The following R3HDM1 variants were observed in gnomAD, a reference collection of about 807,000 sequenced individuals.
R3HDM1 encodes the protein R3H domain-containing protein 1.
Under a neutral mutation model 141.1 loss-of-function variants are expected in R3HDM1, and 46 were observed. The observed-to-expected ratio is 0.33, with a 90% CI of 0.26 to 0.42. R3HDM1 has a LOEUF of 0.42. Among genes scored for constraint, R3HDM1 ranks in the 10% least tolerant of loss-of-function variants. The pLI is 1.00. For synonymous variants in R3HDM1, 435 were observed against 472.9 expected (o/e 0.92, Z 1.04); for missense variants, 1,184 against 1,368.3 (o/e 0.87, Z 2.12).
At chr2:135,710,317 G>A (rs530942370) in intron 23 of R3HDM1, 86 bp downstream of exon 23, 80 of 1,379,390 alleles carry the variant, frequency 5.8e-5, no homozygotes, top group Middle Eastern at 2.1e-4. Flanking sequence ...TTGAAATCCC[G>A]TCAGCCAGAT....
chr2:135,536,720 G>C (rs189809137), intron 1 of R3HDM1: 2 of 981,936 alleles, frequency 2.0e-6, no homozygotes, highest in Non-Finnish European at 2.4e-6. Context: ...AATTAACTTT[G>C]CTAACCTGTC....
At chr2:135,702,218 A>AAG (rs2074294480) in intron 21 of R3HDM1, among the ~76,000 whole-genome samples, 1 of 12,260 alleles carries the variant, frequency 8.2e-5, no homozygotes, top group African/African-American at 3.6e-4. Context: ...TCTCAGGGGG[A>AAG]AAAAAAAAAA....
intron 1 of R3HDM1, among the ~76,000 whole-genome samples, chr2:135,595,733 C>T (rs1257152551): frequency 6.6e-6 from 1 of 152,182 alleles, no homozygotes; most frequent in African/African-American, 2.4e-5. Context: ...TTGGTTCACT[C>T]ATGTATCCCT....
chr2:135,584,721 C>T (rs1243029217), intron 1 of R3HDM1, among the ~76,000 whole-genome samples: 1 of 152,100 alleles, frequency 6.6e-6, no homozygotes, highest in African/African-American at 2.4e-5. Context: ...TTCACAATTA[C>T]TTGAGTTTAT....
At chr2:135,665,663 T>C (rs1481687663) in intron 19 of R3HDM1, among the ~76,000 whole-genome samples, 2 of 152,238 alleles carry the variant, frequency 1.3e-5, no homozygotes, top group African/African-American at 4.8e-5. Context: ...TAAAAATTTG[T>C]GAAAGCTATT....
At position 135,675,348 on chromosome 2, in the gene R3HDM1, C is replaced by A. The variant is rs1010425490; in HGVS notation, c.2169C>A (p.Pro723=). 1 of 1,613,708 alleles carries A rather than the reference C, an allele frequency of 6.2e-7. No individual in the cohort carries two copies. Among genetic ancestry groups the A allele is most frequent in the Non-Finnish European group, 8.5e-7 (1 of 1,179,786 alleles). The change falls in exon 20 of 27, where the codon CCC becomes CCA. Residue 723 remains proline (P), a synonymous_variant. Coordinates refer to ENST00000683871, the MANE Select transcript of R3HDM1 (RefSeq NM_001378107.1). ...PAQQTGYQVI[P]NQQQNYQGIV... ...CCATTACAGGTTATCAAGTTATACC[C>A]AACCAGCAGCAAAACTACCAAGGAA...
chr2:135,558,519 C>T (rs1042798120), intron 1 of R3HDM1, among the ~76,000 whole-genome samples: 6 of 152,124 alleles, frequency 3.9e-5, no homozygotes, highest in African/African-American at 1.4e-4. Context: ...GATTAATTGA[C>T]TTAATCCATG....
At chr2:135,618,938 T>C (rs1187060002) in intron 5 of R3HDM1, among the ~76,000 whole-genome samples, 2 of 151,582 alleles carry the variant, frequency 1.3e-5, no homozygotes, top group Non-Finnish European at 2.9e-5. Flanking sequence ...GAGAATCGCT[T>C]GAACCCAGGA....
chr2:135,533,552 T>C (rs1328569166), intron 1 of R3HDM1, among the ~76,000 whole-genome samples: 1 of 152,220 alleles, frequency 6.6e-6, no homozygotes, highest in East Asian at 1.9e-4. Flanking sequence ...AGGATGATAA[T>C]GCTTAACTTA....
rs910185159 is a variant in R3HDM1, at chr2:135,651,567, AT to A, written c.1726-156del. 9.1e-5 allele frequency: 86 copies of A among 945,064 alleles called. No homozygotes were observed. The African/African-American group carries it at 1.5e-3, about 17-fold the overall frequency. The allele number at this position is 945,064 out of a possible 1,614,324, so 58.5% of individuals were successfully genotyped here. A position where few individuals can be genotyped will look rare whatever the true frequency, so the allele number is the denominator to read the frequency against. On this transcript the variant is annotated intron_variant, in intron 17 of 26. Coordinates refer to ENST00000683871, the MANE Select transcript of R3HDM1 (RefSeq NM_001378107.1). ...TATAATATTCAACAATAGAGTTGTCATTTTTTTGAAGCTTTACCCTATTACA... is the reference window on the plus strand; with the variant it reads ...TATAATATTCAACAATAGAGTTGTCATTTTTTGAAGCTTTACCCTATTACA...
At chr2:135,538,073 G>T (rs543790437) in intron 1 of R3HDM1, among the ~76,000 whole-genome samples, 2 of 152,244 alleles carry the variant, frequency 1.3e-5, no homozygotes, top group Non-Finnish European at 2.9e-5. Flanking sequence ...ACATCATGGA[G>T]TGTGCTTACA....
intron 1 of R3HDM1, chr2:135,543,124 T>C (rs1697978031): frequency 2.0e-6 from 2 of 979,644 alleles, no homozygotes; most frequent in Admixed American, 1.2e-4. Flanking sequence ...CTCTGTAATA[T>C]GTAAAATGGA....
rs2064971149 is a variant in R3HDM1 at position 135,649,962 on chromosome 2, T to TC, written c.1688dup (p.Phe564ValfsTer15). 2 of 1,294,826 alleles carry TC rather than the reference T, an allele frequency of 1.5e-6. No individual in the cohort carries two copies. The highest frequency in any genetic ancestry group is 4.3e-4 in the Middle Eastern group (2 of 4,664). The allele number at this position is 1,294,826 out of a possible 1,614,324, so 80.2% of individuals were successfully genotyped here. The stretch of plus-strand genomic sequence containing the variant: ...TCAGTACTCTACAGCCCCTTACCCA[T>TC]CCCCGTTCCTGCCAGTCTCACCCAC... On this transcript the variant is annotated frameshift_variant, in exon 17 of 27. Transcript: ENST00000683871. LOFTEE classifies it high-confidence loss of function.
intron 18 of R3HDM1, among the ~76,000 whole-genome samples, chr2:135,656,322 T>G (rs528397697): frequency 6.6e-6 from 1 of 152,300 alleles, no homozygotes; most frequent in South Asian, 2.1e-4. Flanking sequence ...ATACAGTGAT[T>G]GGAGTGTCAT....
chr2:135,647,925 T>C (rs2064654440), intron 16 of R3HDM1, among the ~76,000 whole-genome samples: 1 of 152,232 alleles, frequency 6.6e-6, no homozygotes, highest in South Asian at 2.1e-4. Flanking sequence ...GTTTTTTTCA[T>C]TACTCTCTGA....
At chr2:135,684,843 A>G (rs986686247) in intron 21 of R3HDM1, among the ~76,000 whole-genome samples, 2 of 152,116 alleles carry the variant, frequency 1.3e-5, no homozygotes, top group South Asian at 2.1e-4. Flanking sequence ...GCTTACTGCA[A>G]CCTTCTCCTA....
chr2:135,678,669 T>G, intron 20 of R3HDM1, among the ~76,000 whole-genome samples: 1 of 151,084 alleles, frequency 6.6e-6, no homozygotes, highest in Admixed American at 6.6e-5. Flanking sequence ...AACATGGCAA[T>G]AAGTACCCAA....
At position 135,661,391 on chromosome 2, in the gene R3HDM1, C is replaced by A; in HGVS notation, c.2150C>A (p.Thr717Lys). ...CCACTGCCACAACCTGCGCAGCAGA[C>A]AGGTGAGTTGTGTTTCTTATGTCAT... is the stretch of plus-strand genomic sequence containing the variant. ...NQPLPQPAQQ[T>K]GYQVIPNQQQ... is the part of the protein sequence containing the mutation. The change falls in exon 19 of 27, where the codon ACA becomes AAA. Residue 717 changes from threonine (T) to lysine (K), a missense_variant and splice_region_variant. Physicochemically the swap from Thr to Lys is moderately conservative, Grantham distance 78 (BLOSUM62 -1). This residue lies in a region of R3HDM1 where 563 missense variants were observed against 562.0 expected (regional missense o/e 1.00). Coordinates refer to ENST00000683871, the MANE Select transcript of R3HDM1 (RefSeq NM_001378107.1). 1 of 1,613,780 alleles carries A rather than the reference C, an allele frequency of 6.2e-7. No individual in the cohort carries two copies.
In R3HDM1 at chr2:135,616,111, T is replaced by G. The variant is rs773140021; in HGVS notation, c.172-41T>G. The G allele has an allele frequency of 5.7e-5, 91 of 1,584,762 alleles. 1 individual carries two copies. In the East Asian group the frequency reaches 2.0e-3, roughly 34 times the overall value. On this transcript the variant is annotated intron_variant, in intron 3 of 26. Coordinates refer to ENST00000683871, the MANE Select transcript of R3HDM1 (RefSeq NM_001378107.1). ...ATGAATTAAGAAGCAAATTTTCTGTTTCAGTATGAAATTTAATACAAATCT... is the reference window on the plus strand; with the variant it reads ...ATGAATTAAGAAGCAAATTTTCTGTGTCAGTATGAAATTTAATACAAATCT...
Sources: allele counts gnomAD v4.1 joint callset (sites outside exome capture counted in the v4.1 genomes callset), GRCh38; gene constraint gnomAD v4.1.1; regional missense constraint gnomAD v4.1.1; transcripts MANE v1.5; gene names NCBI Gene and HGNC (gene_info 2026-07-23, HGNC 2026-07-21).